PCCA: variants seen among roughly 807,000 people sequenced by gnomAD.
PCCA encodes the protein propionyl-CoA carboxylase subunit alpha.
In PCCA, 74 loss-of-function variants were observed where a neutral mutation model predicts 101.3. That is an observed-to-expected ratio of 0.73 (90% CI 0.61 to 0.89). The LOEUF is 0.89. Among genes scored for constraint, PCCA ranks in the 40% least tolerant of loss-of-function variants. The pLI is 0.00. For synonymous variants in PCCA, 294 were observed against 313.6 expected (o/e 0.94, Z 0.66); for missense variants, 891 against 907.0 (o/e 0.98, Z 0.23).
At chr13:100,181,756 C>G (rs966010946) in intron 6 of PCCA, among the ~76,000 whole-genome samples, 23 of 134,588 alleles carry the variant, frequency 1.7e-4, no homozygotes, top group East Asian at 2.3e-4. Flanking sequence ...TTTTGTTTTT[C>G]TTTTTCTTTT....
At chr13:100,281,042 T>G (rs906652289) in intron 12 of PCCA, among the ~76,000 whole-genome samples, 2 of 152,080 alleles carry the variant, frequency 1.3e-5, no homozygotes, top group Non-Finnish European at 2.9e-5. Flanking sequence ...TCCGCCTCGG[T>G]GATCACATCG....
At chr13:100,219,502 T>C (rs1226246497) in intron 7 of PCCA, among the ~76,000 whole-genome samples, 1 of 152,140 alleles carries the variant, frequency 6.6e-6, no homozygotes, top group Non-Finnish European at 1.5e-5. Flanking sequence ...GTTTCTTGGC[T>C]AAAGGTCCAA....
At chr13:100,486,243 A>G (rs548686333) in intron 21 of PCCA, among the ~76,000 whole-genome samples, 2 of 152,304 alleles carry the variant, frequency 1.3e-5, no homozygotes, top group East Asian at 1.9e-4. Flanking sequence ...TAGTCTATCA[A>G]CCAATCCCAG....
intron 6 of PCCA, among the ~76,000 whole-genome samples, chr13:100,187,677 T>C (rs2057398599): frequency 6.6e-6 from 1 of 152,202 alleles, no homozygotes; most frequent in South Asian, 2.1e-4. Flanking sequence ...ATTTTATTGT[T>C]GAAAAAAACT....
At chr13:100,458,675 A>T (rs943710109) in intron 21 of PCCA, among the ~76,000 whole-genome samples, 2 of 152,136 alleles carry the variant, frequency 1.3e-5, no homozygotes, top group Non-Finnish European at 2.9e-5. Context: ...TTAAAATAAG[A>T]TTGTTAGCCA....
At chr13:100,238,843 T>A (rs907184720) in intron 8 of PCCA, among the ~76,000 whole-genome samples, 6 of 152,252 alleles carry the variant, frequency 3.9e-5, no homozygotes, top group Non-Finnish European at 7.3e-5. Flanking sequence ...TGATTCCATG[T>A]GAAAATGTGT....
chr13:100,273,408 C>A, intron 12 of PCCA, 62 bp downstream of exon 12: 2 of 1,355,274 alleles, frequency 1.5e-6, no homozygotes, highest in East Asian at 2.3e-5. Context: ...CTTCTCCACC[C>A]TTTTTTGTTT....
At chr13:100,307,431 G>A (rs1175268666) in intron 15 of PCCA, among the ~76,000 whole-genome samples, 171 bp downstream of exon 15, 1 of 152,162 alleles carries the variant, frequency 6.6e-6, no homozygotes, top group Non-Finnish European at 1.5e-5. Flanking sequence ...AAAATTCAGC[G>A]TTATGTTAGT....
chr13:100,168,109 G>A (rs2055242008), intron 6 of PCCA, among the ~76,000 whole-genome samples: 1 of 152,076 alleles, frequency 6.6e-6, no homozygotes, highest in East Asian at 1.9e-4. Flanking sequence ...ACCTTATTCA[G>A]CAGTTGAATC....
chr13:100,501,359 C>T lies in PCCA; in HGVS notation c.1900-14068C>T, dbSNP rs536041728. On this transcript the variant is annotated intron_variant, in intron 21 of 23. Coordinates refer to ENST00000376285, the MANE Select transcript of PCCA (RefSeq NM_000282.4). ...CATTAAGTAATTTCTCATCATCCAC[C>T]CTCCTCCCACCCCGTCACCCTTCTG... Among the ~76,000 whole-genome samples the T allele has an allele frequency of 5.3e-5, 8 of 152,266 alleles. No individual in the cohort carries two copies. In the East Asian group the frequency reaches 9.7e-4, roughly 18 times the overall value.
At chr13:100,459,798 A>G (rs1158469153) in intron 21 of PCCA, among the ~76,000 whole-genome samples, 1 of 152,226 alleles carries the variant, frequency 6.6e-6, no homozygotes, top group Non-Finnish European at 1.5e-5. Flanking sequence ...TCACAGTTCT[A>G]GAGCCTGGGA....
At chr13:100,460,623 A>C (rs1416321168) in intron 21 of PCCA, among the ~76,000 whole-genome samples, 2 of 152,174 alleles carry the variant, frequency 1.3e-5, no homozygotes, top group Non-Finnish European at 2.9e-5. Flanking sequence ...TTTTATTGAT[A>C]ATAAATATAC....
chr13:100,381,722 T>C (rs2076237733), intron 19 of PCCA, among the ~76,000 whole-genome samples: 1 of 152,188 alleles, frequency 6.6e-6, no homozygotes, highest in African/African-American at 2.4e-5. Flanking sequence ...CTCAACTCCT[T>C]GTGGGAGGGA....
chr13:100,515,638 G>A (rs1485142465), intron 22 of PCCA, 71 bp downstream of exon 22: 128 of 1,563,706 alleles, frequency 8.2e-5, no homozygotes, highest in Non-Finnish European at 1.0e-4. Context: ...GACGGCTAAC[G>A]GCACAGCACG....
intron 17 of PCCA, among the ~76,000 whole-genome samples, chr13:100,334,923 C>T (rs2070201769): frequency 6.6e-6 from 1 of 152,126 alleles, no homozygotes; most frequent in South Asian, 2.1e-4. Flanking sequence ...TGGAAAGACT[C>T]ACTGAGATTC....
chr13:100,285,686 G>GCCCTC (rs2064560487), intron 12 of PCCA, among the ~76,000 whole-genome samples: 1 of 152,208 alleles, frequency 6.6e-6, no homozygotes, highest in Middle Eastern at 3.4e-3. Context: ...CACGTGTGTG[G>GCCCTC]CCCTCAACCC....
At position 100,435,872 on chromosome 13, in the gene PCCA, C is replaced by T. The variant is rs142406108; in HGVS notation, c.1845+10141C>T. Among the ~76,000 whole-genome samples the T allele has an allele frequency of 2.1e-3, 317 of 152,090 alleles. 7 individuals carry two copies. The East Asian group carries it at 0.049, about 24-fold the overall frequency. ...CAGTCTGGCCAACATCGTGAAACCCCGTCTCTACTAAAAATACAAAATTAG... is the reference window on the plus strand; with the variant it reads ...CAGTCTGGCCAACATCGTGAAACCCTGTCTCTACTAAAAATACAAAATTAG... On this transcript the variant is annotated intron_variant, in intron 20 of 23. Coordinates refer to ENST00000376285, the MANE Select transcript of PCCA (RefSeq NM_000282.4).
At chr13:100,413,918 A>G (rs2078201429) in intron 19 of PCCA, among the ~76,000 whole-genome samples, 1 of 152,200 alleles carries the variant, frequency 6.6e-6, no homozygotes, top group African/African-American at 2.4e-5. Context: ...TGACCTTATC[A>G]CACCAATCCA....
At chr13:100,421,769 C>G (rs1342361263) in intron 19 of PCCA, among the ~76,000 whole-genome samples, 1 of 152,054 alleles carries the variant, frequency 6.6e-6, no homozygotes, top group Non-Finnish European at 1.5e-5. Context: ...ACTGCAACCT[C>G]TGCCTCCCAG....
Sources: gnomAD v4.1 joint callset for allele counts (sites outside exome capture counted in the v4.1 genomes callset) on GRCh38, gnomAD v4.1.1 for gene constraint, MANE v1.5 for transcripts, NCBI Gene and HGNC (gene_info 2026-07-23, HGNC 2026-07-21) for gene names.